Variants in DYNC2I2 observed in about 807,000 individuals in gnomAD.
DYNC2I2 encodes the protein cytoplasmic dynein 2 intermediate chain 2.
Under a neutral mutation model 52.0 loss-of-function variants are expected in DYNC2I2, and 39 were observed. That is an observed-to-expected ratio of 0.75 (90% CI 0.58 to 0.98). DYNC2I2 has a LOEUF of 0.98. Among genes scored for constraint, DYNC2I2 ranks in the 50% least tolerant of loss-of-function variants. The pLI, the probability that DYNC2I2 is intolerant of heterozygous loss-of-function variation, is 0.00. For synonymous variants in DYNC2I2, 359 were observed against 321.1 expected (o/e 1.12, Z -1.26); for missense variants, 743 against 728.4 (o/e 1.02, Z -0.23).
At chr9:128,634,426 G>T in intron 7 of DYNC2I2, 43 bp from the exon 8 acceptor site, 2 of 1,533,080 alleles carry the variant, frequency 1.3e-6, no homozygotes. Flanking sequence ...TCAGTGCTGG[G>T]GTCTGGGTGG....
Position 128,656,574 on chromosome 9 carries a change from C to T in DYNC2I2, c.153G>A (p.Gln51=), listed in dbSNP as rs766499526. The T allele has an allele frequency of 8.8e-6, 13 of 1,480,238 alleles. No homozygotes were observed. In the Admixed American group the frequency reaches 1.4e-4, roughly 16 times the overall value. 91.7% of individuals were successfully genotyped at this position (1,480,238 alleles called of 1,614,324 possible). The change falls in exon 1 of 9, where the codon CAG becomes CAA. Residue 51 remains glutamine, a synonymous_variant. Coordinates refer to ENST00000372715, the MANE Select transcript of DYNC2I2 (RefSeq NM_052844.4). ...AGCGGATGCCCTGGACGGCCCTCCA[C>T]TGCGAGGGCACGGACGCCACACCCA... is the stretch of plus-strand genomic sequence containing the variant. ...ETLGVASVPS[Q]WRAVQGIRWE...
the DYNC2I2 span, among the ~76,000 whole-genome samples, chr9:128,681,658 T>C: frequency 3.9e-5 from 6 of 152,328 alleles, no homozygotes; most frequent in Non-Finnish European, 8.8e-5. Context: ...TTTTCCACCT[T>C]AGTTGTACCA....
chr9:128,671,529 A>G, the DYNC2I2 span, among the ~76,000 whole-genome samples: 8 of 140,306 alleles, frequency 5.7e-5, no homozygotes, highest in South Asian at 1.8e-3. Context: ...GCTGGAGGGC[A>G]GTGGCCGATC....
chr9:128,633,959 GGA>G lies in DYNC2I2; in HGVS notation c.1394_1395del (p.Leu465ProfsTer17). On this transcript the variant is annotated frameshift_variant, in exon 9 of 9. Coordinates refer to ENST00000372715, the MANE Select transcript of DYNC2I2 (RefSeq NM_052844.4). LOFTEE classifies it high-confidence loss of function. The part of the protein sequence containing the change: ...SGKGDVQLFD[L>X]QKSSQKPTVL... ...ACTGTGGGTTTCTGGGAGCTTTTCT[GGA>G]GATCAAACAGCTGCACGTCACCTGC... 1 of 1,613,054 alleles carries G rather than the reference GGA, an allele frequency of 6.2e-7. No homozygotes were observed. Among genetic ancestry groups the G allele is most frequent in the Non-Finnish European group, 8.5e-7 (1 of 1,180,042 alleles).
upstream of DYNC2I2, among the ~76,000 whole-genome samples, chr9:128,657,374 C>G (rs1406022617): frequency 6.6e-6 from 1 of 152,090 alleles, no homozygotes; most frequent in Non-Finnish European, 1.5e-5. Context: ...CAGAACGTCT[C>G]TTTCTTATTA....
At chr9:128,663,991 C>G in the DYNC2I2 span, among the ~76,000 whole-genome samples, 10 of 119,520 alleles carry the variant, frequency 8.4e-5, no homozygotes, top group Admixed American at 7.2e-4. Context: ...GAGTTTTGCT[C>G]TTCTTGCCCA....
chr9:128,635,424 C>T, intron 5 of DYNC2I2, 165 bp from the exon 6 acceptor site: 1 of 900,110 alleles, frequency 1.1e-6, no homozygotes, highest in Non-Finnish European at 1.6e-6. Context: ...TCCCAGGGCC[C>T]TCTCCAGTCC....
intron 1 of DYNC2I2, among the ~76,000 whole-genome samples, chr9:128,645,071 C>T (rs1356603931): frequency 1.3e-5 from 2 of 152,106 alleles, no homozygotes; most frequent in African/African-American, 2.4e-5. Context: ...GCCAATTAGG[C>T]CAGGCGCAGT....
intron 1 of DYNC2I2, among the ~76,000 whole-genome samples, chr9:128,655,978 AAGG>A (rs1160276240): frequency 1.3e-5 from 2 of 151,510 alleles, no homozygotes; most frequent in Admixed American, 1.3e-4. Context: ...GAGGCCGAGG[AAGG>A]AGGACAGCTT....
rs372773100 is a variant in DYNC2I2 at position 128,642,567 on chromosome 9, G to A, written c.187-1628C>T. ...GGGCGGATCACAAGGTCAGGAGATC[G>A]AGACCATCCTGGCTAATACGGTGAA... On this transcript the variant is annotated intron_variant, in intron 1 of 8. Transcript: ENST00000372715. 8.6e-5 allele frequency among the ~76,000 whole-genome samples: 13 copies of A among 150,592 alleles called. No homozygotes were observed. In the East Asian group the frequency reaches 9.9e-4, roughly 12 times the overall value.
intron 1 of DYNC2I2, among the ~76,000 whole-genome samples, chr9:128,648,427 G>A (rs1185052929): frequency 3.3e-5 from 5 of 151,838 alleles, no homozygotes; most frequent in Admixed American, 2.6e-4. Flanking sequence ...ACTCCAGCAG[G>A]GGGTGCCATA....
the DYNC2I2 span, chr9:128,683,685 TAAAAG>T: frequency 2.1e-6 from 1 of 474,128 alleles, no homozygotes; most frequent in Admixed American, 3.8e-5. Flanking sequence ...AGAGAGCAAC[TAAAAG>T]AAATTTCTCC....
chr9:128,643,108 A>G (rs1455934434), intron 1 of DYNC2I2, among the ~76,000 whole-genome samples: 3 of 151,470 alleles, frequency 2.0e-5, no homozygotes, highest in African/African-American at 7.3e-5. Context: ...AAATCCCCTG[A>G]GCGCCGTGGC....
chr9:128,670,325 A>G, the DYNC2I2 span, among the ~76,000 whole-genome samples: 1 of 151,764 alleles, frequency 6.6e-6, no homozygotes, highest in Admixed American at 6.6e-5. Context: ...CTGTAATCCC[A>G]GCTACTCGGG....
At chr9:128,661,317 A>C (rs900802661), upstream of DYNC2I2, among the ~76,000 whole-genome samples, 29 of 151,156 alleles carry the variant, frequency 1.9e-4, no homozygotes, top group East Asian at 7.8e-4. Flanking sequence ...AAAAAAAAAA[A>C]AAAAAACAAA....
chr9:128,678,120 C>T, the DYNC2I2 span, among the ~76,000 whole-genome samples: 2 of 147,880 alleles, frequency 1.4e-5, no homozygotes. Flanking sequence ...CCCAGGCTGG[C>T]GTGCAATGGT....
intron 4 of DYNC2I2, 34 bp downstream of exon 4, chr9:128,636,247 A>G: frequency 6.4e-7 from 1 of 1,553,170 alleles, no homozygotes; most frequent in Non-Finnish European, 8.7e-7. Flanking sequence ...CTGAGTCCTG[A>G]GAGGAGAGGA....
upstream of DYNC2I2, among the ~76,000 whole-genome samples, chr9:128,657,552 C>T (rs1860856267): frequency 1.3e-5 from 2 of 152,036 alleles, no homozygotes; most frequent in Non-Finnish European, 2.9e-5. Flanking sequence ...CCTGTAATCC[C>T]GGTACTTTGA....
At chr9:128,678,955 G>A in the DYNC2I2 span, among the ~76,000 whole-genome samples, 1 of 151,998 alleles carries the variant, frequency 6.6e-6, no homozygotes, top group African/African-American at 2.4e-5. Context: ...TGTAGTCCCA[G>A]CCACTTGTAA....
Sources: gnomAD v4.1 joint callset for allele counts (sites outside exome capture counted in the v4.1 genomes callset) on GRCh38, gnomAD v4.1.1 for gene constraint, MANE v1.5 for transcripts, NCBI Gene and HGNC (gene_info 2026-07-23, HGNC 2026-07-21) for gene names.